Variants in RELN observed in about 807,000 individuals in gnomAD.
The protein encoded by RELN is reelin.
RELN carries 108 observed loss-of-function variants against 427.6 expected under a neutral mutation model. The ratio of observed to expected loss-of-function variants is 0.25; its 90% CI spans 0.22 to 0.30. The LOEUF is 0.30. Among genes scored for constraint, RELN ranks in the 10% least tolerant of loss-of-function variants. RELN has a pLI of 1.00. For synonymous variants in RELN, 1,524 were observed against 1,513.4 expected, an observed-to-expected ratio of 1.01 and a Z score of -0.16; for missense variants, 3,715 against 4,302.8, an observed-to-expected ratio of 0.86 and a Z score of 3.82.
intron 20 of RELN, among the ~76,000 whole-genome samples, chr7:103,618,908 C>G (rs1004452382): frequency 1.3e-5 from 2 of 152,024 alleles, no homozygotes; most frequent in African/African-American, 4.8e-5. Context: ...GTCAGGAGAT[C>G]GAAACCATCC....
intron 53 of RELN, among the ~76,000 whole-genome samples, chr7:103,498,713 A>C (rs904481888): frequency 3.9e-5 from 6 of 152,038 alleles, no homozygotes; most frequent in African/African-American, 1.4e-4. Flanking sequence ...GCTGGTCTCG[A>C]ATCCCTGACC....
chr7:103,677,765 CAAAAAAAAAAA>C (rs60678229), intron 11 of RELN, among the ~76,000 whole-genome samples: 21 of 56,042 alleles, frequency 3.7e-4, no homozygotes, highest in African/African-American at 1.5e-3. Context: ...GAATCTGTCT[CAAAAAAAAAAA>C]AAAAAAAAAA....
At position 103,472,241 on chromosome 7, in the gene RELN, A is replaced by G. The variant is rs573283805; in HGVS notation, c.*571T>C. 4 of 159,680 alleles carry G rather than the reference A, an allele frequency of 2.5e-5. No homozygotes were observed. The highest frequency in any genetic ancestry group is 3.6e-4 in the South Asian group (2 of 5,550). 9.9% of individuals were successfully genotyped at this position (159,680 alleles called of 1,614,324 possible). A position where few individuals can be genotyped will look rare whatever the true frequency, so the allele number is the denominator to read the frequency against. ...AAGGAGATACAATATCTTTACAACT[A>G]TCTTCTTGAATAGGTATTTCAATTA... On this transcript the variant is annotated 3_prime_UTR_variant, in exon 65 of 65. Transcript: ENST00000428762.
chr7:103,780,546 A>T (rs1044401177), intron 3 of RELN, among the ~76,000 whole-genome samples: 1 of 151,078 alleles, frequency 6.6e-6, no homozygotes, highest in African/African-American at 2.4e-5. Flanking sequence ...TCTTCTCCCT[A>T]CTCCCACCCT....
At chr7:103,676,761 C>T (rs928491204) in intron 11 of RELN, among the ~76,000 whole-genome samples, 3 of 151,334 alleles carry the variant, frequency 2.0e-5, no homozygotes, top group Non-Finnish European at 4.4e-5. Flanking sequence ...AAACTGGAAA[C>T]CATCATTCTC....
At chr7:103,882,217 A>AT (rs1794623286) in intron 2 of RELN, among the ~76,000 whole-genome samples, 1 of 152,184 alleles carries the variant, frequency 6.6e-6, no homozygotes, top group Non-Finnish European at 1.5e-5. Flanking sequence ...TCTAGCTCTG[A>AT]TCTCTATCAT....
chr7:103,608,857 T>C (rs767102309), intron 22 of RELN, among the ~76,000 whole-genome samples: 5 of 152,204 alleles, frequency 3.3e-5, no homozygotes, highest in Non-Finnish European at 7.3e-5. Flanking sequence ...CAACACTTTC[T>C]GAATTTGCCT....
At chr7:103,675,376 C>T (rs372662791) in intron 11 of RELN, among the ~76,000 whole-genome samples, 1 of 152,076 alleles carries the variant, frequency 6.6e-6, no homozygotes, top group African/African-American at 2.4e-5. Flanking sequence ...CACTGCTCAA[C>T]AAAATAAAAG....
intron 28 of RELN, among the ~76,000 whole-genome samples, chr7:103,577,870 A>C (rs1831040828): frequency 6.6e-6 from 1 of 152,188 alleles, no homozygotes; most frequent in African/African-American, 2.4e-5. Context: ...ACCCAGAGAA[A>C]CATGGATCCA....
At chr7:103,835,130 T>C (rs1474022393) in intron 2 of RELN, among the ~76,000 whole-genome samples, 4 of 152,202 alleles carry the variant, frequency 2.6e-5, no homozygotes, top group African/African-American at 7.2e-5. Flanking sequence ...AAATGATCTA[T>C]GAAGACATGC....
At position 103,542,850 on chromosome 7, in the gene RELN, T is replaced by G; in HGVS notation, c.6552A>C (p.Leu2184Phe). ...TTCGAGATGGTTTCCCACCACTCAT[T>G]AATAAGAATCTATCAGATTCTAGCT... is the stretch of plus-strand genomic sequence containing the variant. ...EGQLESDRFL[L>F]MSGGKPSRKC... Residue 2184 changes from leucine (L) to phenylalanine (F), a missense_variant, in exon 43 of 65, where the codon TTA (leucine) becomes TTC (phenylalanine). Physicochemically the swap from Leu to Phe is conservative, Grantham distance 22 (BLOSUM62 0). Around this residue, in one of 4 missense-constraint regions of RELN, gnomAD observed 1,310 missense variants for 1,643.0 expected, o/e 0.80. Coordinates refer to ENST00000428762, the MANE Select transcript of RELN (RefSeq NM_005045.4). 10 of 1,614,168 alleles carry G rather than the reference T, an allele frequency of 6.2e-6. No homozygotes were observed. Among genetic ancestry groups the G allele is most frequent in the Non-Finnish European group, 8.5e-6 (10 of 1,180,014 alleles).
Position 103,603,225 on chromosome 7 carries a change from A to T in RELN, c.3333+79T>A. On this transcript the variant is annotated intron_variant, in intron 24 of 64. Coordinates refer to ENST00000428762, the MANE Select transcript of RELN (RefSeq NM_005045.4). This position sits in a 1 kb window ranked among gnomAD's most constrained non-coding sequence, Gnocchi z 4.3. ...ACGTGGGGAACAATAGAACCACTTCATATTTGTACATTTGGAATTCAGAGT... is the reference window on the plus strand; with the variant it reads ...ACGTGGGGAACAATAGAACCACTTCTTATTTGTACATTTGGAATTCAGAGT... 1 of 1,181,712 alleles carries T rather than the reference A, an allele frequency of 8.5e-7. No individual in the cohort carries two copies. The highest frequency in any genetic ancestry group is 1.3e-6 in the Non-Finnish European group (1 of 786,826). 73.2% of individuals were successfully genotyped at this position (1,181,712 alleles called of 1,614,324 possible). A position where few individuals can be genotyped will look rare whatever the true frequency, so the allele number is the denominator to read the frequency against.
chr7:103,810,460 C>T (rs1467285293), intron 3 of RELN, among the ~76,000 whole-genome samples: 7 of 152,148 alleles, frequency 4.6e-5, no homozygotes, highest in Non-Finnish European at 8.8e-5. Flanking sequence ...GAGGAGAAGA[C>T]ATTTGTGTCA....
At chr7:103,618,963 C>A (rs189680788) in intron 20 of RELN, among the ~76,000 whole-genome samples, 2,549 of 151,908 alleles carry the variant, frequency 0.017, 52 homozygotes, top group East Asian at 0.098. Flanking sequence ...ACACAAAAAA[C>A]CAAAATTAGC....
chr7:103,813,011 T>C (rs1304256038), intron 3 of RELN, among the ~76,000 whole-genome samples: 1 of 152,200 alleles, frequency 6.6e-6, no homozygotes, highest in African/African-American at 2.4e-5. Flanking sequence ...TTTGTCTTAT[T>C]CTTCATCGGT....
intron 2 of RELN, among the ~76,000 whole-genome samples, chr7:103,903,670 TATG>T (rs1305121386): frequency 2.6e-5 from 4 of 152,112 alleles, no homozygotes; most frequent in Non-Finnish European, 5.9e-5. Flanking sequence ...TTGTTTTTGA[TATG>T]ATTATATATG....
chr7:103,540,848 G>A (rs1830162409), intron 43 of RELN, among the ~76,000 whole-genome samples: 1 of 152,050 alleles, frequency 6.6e-6, no homozygotes, highest in East Asian at 1.9e-4. Context: ...GAAACTGAAA[G>A]TTTGAAACGG....
intron 1 of RELN, among the ~76,000 whole-genome samples, chr7:103,944,977 G>T (rs1310521599): frequency 6.6e-6 from 1 of 151,890 alleles, no homozygotes; most frequent in African/African-American, 2.4e-5. Context: ...CAGTCCCCAG[G>T]TATGTTATTA....
At chr7:103,793,774 G>A (rs377026802) in intron 3 of RELN, among the ~76,000 whole-genome samples, 5 of 152,160 alleles carry the variant, frequency 3.3e-5, no homozygotes, top group African/African-American at 1.2e-4. Context: ...TAAACAGAAG[G>A]TTGTTTATTT....
Sources: allele counts gnomAD v4.1 joint callset (sites outside exome capture counted in the v4.1 genomes callset), GRCh38; gene constraint gnomAD v4.1.1; regional missense constraint gnomAD v4.1.1; non-coding constraint Gnocchi (gnomAD v3.1); transcripts MANE v1.5; gene names NCBI Gene and HGNC (gene_info 2026-07-23, HGNC 2026-07-21).